Variants in SNTG2 observed in about 807,000 individuals in gnomAD.
SNTG2 encodes the protein syntrophin gamma 2.
Under a neutral mutation model 70.9 loss-of-function variants are expected in SNTG2, and 74 were observed. The observed-to-expected ratio is 1.04, with a 90% confidence interval of 0.86 to 1.27. The LOEUF (loss-of-function observed/expected upper bound fraction) is 1.27, where lower values mean the gene tolerates loss of function less well. Ranked by LOEUF, SNTG2 falls within the 50% of genes most tolerant of loss-of-function variation. SNTG2 has a pLI of 0.00. For synonymous variants in SNTG2, 278 were observed against 273.8 expected, an observed-to-expected ratio of 1.02 and a Z score of -0.15; for missense variants, 717 against 690.7, an observed-to-expected ratio of 1.04 and a Z score of -0.43.
chr2:1,326,286 C>T (rs1330476806), intron 16 of SNTG2, among the ~76,000 whole-genome samples: 1 of 152,152 alleles, frequency 6.6e-6, no homozygotes, highest in Non-Finnish European at 1.5e-5. Context: ...ATATGCCTTT[C>T]TTGGACTTGC....
intron 13 of SNTG2, among the ~76,000 whole-genome samples, chr2:1,262,509 A>G (rs1678465840): frequency 6.6e-6 from 1 of 152,036 alleles, no homozygotes; most frequent in South Asian, 2.1e-4. Context: ...ACATACAATA[A>G]TACATTTTCT....
rs1313730742 is a variant in SNTG2 at position 1,124,159 on chromosome 2, T to C, written c.326-13463T>C. Among the ~76,000 whole-genome samples, 3 of 152,200 alleles carry C rather than the reference T, an allele frequency of 2.0e-5. No individual in the cohort carries two copies. The East Asian group carries it at 5.8e-4, about 29-fold the overall frequency. On this transcript the variant is annotated intron_variant, in intron 4 of 16. Coordinates refer to ENST00000308624, the MANE Select transcript of SNTG2 (RefSeq NM_018968.4). ...AAAACATGTGAAGTATTTGAGGTCA[T>C]AGATATGTTAACCAGCTTGCTTTCA...
intron 16 of SNTG2, among the ~76,000 whole-genome samples, chr2:1,321,910 CTCCTTCCT>C (rs201525220): frequency 2.7e-5 from 3 of 110,538 alleles, no homozygotes; most frequent in South Asian, 3.1e-4. Context: ...TCTTCCTTCC[CTCCTTCCT>C]TCCTTCCTTC....
intron 16 of SNTG2, among the ~76,000 whole-genome samples, chr2:1,318,879 G>A (rs1035651262): frequency 6.6e-6 from 1 of 152,170 alleles, no homozygotes; most frequent in African/African-American, 2.4e-5. Context: ...AGGGTTTCAC[G>A]CCTGCGGTGT....
intron 4 of SNTG2, among the ~76,000 whole-genome samples, chr2:1,136,821 T>A (rs1668415574): frequency 6.6e-6 from 1 of 152,250 alleles, no homozygotes; most frequent in African/African-American, 2.4e-5. Context: ...GCATAGATTA[T>A]AGTCAAACTT....
intron 11 of SNTG2, among the ~76,000 whole-genome samples, chr2:1,244,435 G>T (rs1175521075): frequency 6.6e-6 from 1 of 152,098 alleles, no homozygotes; most frequent in Non-Finnish European, 1.5e-5. Context: ...GGGGGCTCAC[G>T]CCTGTAATCC....
chr2:993,142 G>T, intron 1 of SNTG2, among the ~76,000 whole-genome samples: 1 of 144,764 alleles, frequency 6.9e-6, no homozygotes, highest in Admixed American at 6.9e-5. Context: ...AGTTACATAT[G>T]TATACATGTG....
chr2:1,271,754 C>G (rs946512447), intron 14 of SNTG2, among the ~76,000 whole-genome samples: 4 of 152,078 alleles, frequency 2.6e-5, no homozygotes, highest in African/African-American at 9.7e-5. Flanking sequence ...TGAGGATGTC[C>G]CCTTCAGCCT....
Position 1,039,782 on chromosome 2 carries a change from A to G in SNTG2, c.73-43736A>G, listed in dbSNP as rs193242352. 2.9e-4 allele frequency among the ~76,000 whole-genome samples: 44 copies of G among 152,224 alleles called. 1 individual carries two copies. The highest frequency in any genetic ancestry group is 1.2e-3 in the Admixed American group (18 of 15,292). On this transcript the variant is annotated intron_variant, in intron 1 of 16. Transcript: ENST00000308624. ...GGGAAGCTGTGCAGCTGCTCCTAAT[A>G]ACATCACTGGGAAGCTGTGTGTGCA...
chr2:986,548 C>CT (rs1407836756), intron 1 of SNTG2, among the ~76,000 whole-genome samples: 3 of 152,204 alleles, frequency 2.0e-5, no homozygotes, highest in African/African-American at 7.2e-5. Flanking sequence ...CATTTGGAAC[C>CT]TTCTGGACAG....
intron 15 of SNTG2, among the ~76,000 whole-genome samples, chr2:1,313,353 G>A (rs779850410): frequency 2.6e-5 from 4 of 152,196 alleles, no homozygotes; most frequent in African/African-American, 9.7e-5. Context: ...CTGTGCCACG[G>A]GAGGATGGGT....
chr2:1,069,724 G>A (rs543404842), intron 1 of SNTG2, among the ~76,000 whole-genome samples: 104 of 152,282 alleles, frequency 6.8e-4, no homozygotes, highest in African/African-American at 2.2e-3. Flanking sequence ...CCAGGAGGCA[G>A]AGGTTGCAGT....
intron 13 of SNTG2, among the ~76,000 whole-genome samples, chr2:1,260,216 G>A (rs1399652322): frequency 6.6e-6 from 1 of 152,110 alleles, no homozygotes; most frequent in Admixed American, 6.5e-5. Flanking sequence ...TTCAAAGTTT[G>A]GTTTGTTTTC....
At chr2:1,313,036 C>T (rs1681085162) in intron 15 of SNTG2, among the ~76,000 whole-genome samples, 1 of 152,156 alleles carries the variant, frequency 6.6e-6, no homozygotes, top group South Asian at 2.1e-4. Context: ...CTGCCTGTGG[C>T]ATCTCCACCG....
chr2:1,065,743 A>G (rs184417472), intron 1 of SNTG2, among the ~76,000 whole-genome samples: 1 of 152,264 alleles, frequency 6.6e-6, no homozygotes, highest in African/African-American at 2.4e-5. Flanking sequence ...TATGTCGTTT[A>G]GCTAAATGGC....
chr2:1,180,764 C>T (rs892497036), intron 8 of SNTG2, among the ~76,000 whole-genome samples: 1 of 151,762 alleles, frequency 6.6e-6, no homozygotes, highest in Non-Finnish European at 1.5e-5. Context: ...AAGACACATG[C>T]ACACGTATGT....
intron 7 of SNTG2, among the ~76,000 whole-genome samples, chr2:1,167,740 C>T: frequency 9.1e-6 from 1 of 110,366 alleles, no homozygotes; most frequent in South Asian, 3.6e-4. Context: ...CCACAGACGG[C>T]AGAACTGAAG....
chr2:1,165,317 C>T (rs1670632700), intron 6 of SNTG2, among the ~76,000 whole-genome samples: 1 of 151,864 alleles, frequency 6.6e-6, no homozygotes, highest in Non-Finnish European at 1.5e-5. Flanking sequence ...GGGCAGACCC[C>T]TGCTCACTCA....
intron 14 of SNTG2, among the ~76,000 whole-genome samples, chr2:1,289,205 T>A (rs890713069): frequency 6.6e-6 from 1 of 152,072 alleles, no homozygotes; most frequent in Non-Finnish European, 1.5e-5. Flanking sequence ...AAATTAGCAA[T>A]GATGCCAATC....
Sources: gnomAD v4.1 joint callset for allele counts (sites outside exome capture counted in the v4.1 genomes callset) on GRCh38, gnomAD v4.1.1 for gene constraint, MANE v1.5 for transcripts, NCBI Gene and HGNC (gene_info 2026-07-23, HGNC 2026-07-21) for gene names.